TMEM120B: variants seen among roughly 807,000 people sequenced by gnomAD.
TMEM120B encodes the protein transmembrane protein 120B.
In TMEM120B, 31 loss-of-function variants were observed where a neutral mutation model predicts 55.5. The ratio of observed to expected loss-of-function variants is 0.56; its 90% CI spans 0.42 to 0.75. The LOEUF is 0.75. Among genes scored for constraint, TMEM120B ranks in the 30% least tolerant of loss-of-function variants. The probability of loss-of-function intolerance (pLI) is 0.00; values close to 1 mark genes in which losing one functional copy is unlikely to be tolerated. For missense variants in TMEM120B, 399 were observed against 425.5 expected, an observed-to-expected ratio of 0.94 and a Z score of 0.55; for synonymous variants, 203 against 176.3, an observed-to-expected ratio of 1.15 and a Z score of -1.20.
chr12:121,772,039 CTCTT>C (rs749658859), intron 8 of TMEM120B, among the ~76,000 whole-genome samples: 38 of 114,152 alleles, frequency 3.3e-4, no homozygotes, highest in African/African-American at 3.9e-4. Flanking sequence ...TTCTTTCTTT[CTCTT>C]TCTTTCTTTC....
rs1342695194 is a variant in TMEM120B at position 121,754,014 on chromosome 12, CTGGGTTCT to C, written c.461+1792_461+1799del. Among the ~76,000 whole-genome samples, 102 of 152,356 alleles carry C rather than the reference CTGGGTTCT, an allele frequency of 6.7e-4. 1 individual carries two copies. Among genetic ancestry groups the C allele is most frequent in the Admixed American group, 2.4e-3 (37 of 15,310 alleles). ...TGGGCTGCTGTTCCTTTCTCTGGCC[CTGGGTTCT>C]CTGTCCCCAGGGGAAGCGGTCAAGT... On this transcript the variant is annotated intron_variant, in intron 5 of 11. Transcript: ENST00000449592.
At chr12:121,750,871 ACACCACACACC>A (rs1873276805) in intron 4 of TMEM120B, among the ~76,000 whole-genome samples, 1 of 66,414 alleles carries the variant, frequency 1.5e-5, no homozygotes, top group Non-Finnish European at 3.0e-5. Flanking sequence ...CCCCACACCC[ACACCACACACC>A]ACACCCCACA....
intron 5 of TMEM120B, among the ~76,000 whole-genome samples, chr12:121,753,959 C>T (rs549932045): frequency 3.9e-5 from 6 of 152,224 alleles, no homozygotes; most frequent in African/African-American, 9.6e-5. Context: ...ACAGCCATGC[C>T]GTGAGGCTGT....
intron 6 of TMEM120B, among the ~76,000 whole-genome samples, chr12:121,764,160 CAAA>C (rs150917405): frequency 5.1e-5 from 6 of 117,958 alleles, no homozygotes; most frequent in Admixed American, 1.8e-4. Context: ...TCATCTTTAC[CAAA>C]AAAAAAAAAA....
chr12:121,735,201 C>CAA (rs1158893128), intron 1 of TMEM120B, among the ~76,000 whole-genome samples: 3 of 124,094 alleles, frequency 2.4e-5, no homozygotes, highest in Non-Finnish European at 5.2e-5. Flanking sequence ...AAAAAAAAAA[C>CAA]AAAAAAAAAA....
chr12:121,762,271 C>CA (rs796129443), intron 6 of TMEM120B, among the ~76,000 whole-genome samples: 13,264 of 117,082 alleles, frequency 0.11, 917 homozygotes, highest in African/African-American at 0.22. Flanking sequence ...GACTCTGTCT[C>CA]AAAAAAAAAA....
chr12:121,726,941 C>G (rs1894907265), intron 1 of TMEM120B, among the ~76,000 whole-genome samples: 1 of 131,036 alleles, frequency 7.6e-6, no homozygotes, highest in South Asian at 2.6e-4. Context: ...AAAAAAGCTT[C>G]AGGCTGGGCA....
chr12:121,763,980 G>C (rs1873765144), intron 6 of TMEM120B, among the ~76,000 whole-genome samples: 3 of 152,086 alleles, frequency 2.0e-5, no homozygotes. Flanking sequence ...GAGGGCAACA[G>C]GAAGTTTCAC....
In TMEM120B at chr12:121,748,356, G is replaced by A. The variant is rs1258781956; in HGVS notation, c.219G>A (p.Ala73=). The A allele has an allele frequency of 8.1e-6, 13 of 1,610,960 alleles. No homozygotes were observed. Among genetic ancestry groups the A allele is most frequent in the South Asian group, 1.1e-5 (1 of 91,036 alleles). Residue 73 remains alanine (A), a synonymous_variant, in exon 3 of 12, where the codon GCG becomes GCA. Coordinates refer to ENST00000449592, the MANE Select transcript of TMEM120B (RefSeq NM_001080825.2). The part of the protein sequence containing the change: ...RCKRHASREE[A]ELVQQMAANI... ...AACGCCATGCCAGTCGGGAGGAGGC[G>A]GAGCTCGTTCAGCAGATGGCAGCGA... is the stretch of plus-strand genomic sequence containing the variant.
chr12:121,774,597 G>T, intron 9 of TMEM120B, 61 bp from the exon 10 acceptor site: 1 of 1,554,264 alleles, frequency 6.4e-7, no homozygotes, highest in African/African-American at 1.4e-5. Flanking sequence ...TGGGCGTCTG[G>T]TGGAGCTGTG....
chr12:121,744,204 A>G (rs895521848), intron 2 of TMEM120B, among the ~76,000 whole-genome samples: 17 of 152,070 alleles, frequency 1.1e-4, no homozygotes, highest in African/African-American at 3.9e-4. Flanking sequence ...GATTACAGGC[A>G]TGAGCCACTG....
intron 1 of TMEM120B, among the ~76,000 whole-genome samples, chr12:121,733,780 C>T (rs892751051): frequency 3.9e-5 from 6 of 151,990 alleles, no homozygotes; most frequent in African/African-American, 9.7e-5. Flanking sequence ...TCAAGTGATC[C>T]GCCCACCTCG....
chr12:121,745,455 A>G (rs1228227871), intron 2 of TMEM120B, among the ~76,000 whole-genome samples: 3 of 152,002 alleles, frequency 2.0e-5, no homozygotes, highest in East Asian at 1.9e-4. Flanking sequence ...CAGTGGTGCA[A>G]TCTCGGCTCA....
intron 6 of TMEM120B, among the ~76,000 whole-genome samples, chr12:121,769,906 A>C (rs981213334): frequency 6.6e-6 from 1 of 152,162 alleles, no homozygotes; most frequent in East Asian, 1.9e-4. Context: ...ACAGTGATCC[A>C]TGCCATGAAG....
In TMEM120B at chr12:121,748,459, T is replaced by C; in HGVS notation, c.305+17T>C. ...GAAGAACGGGTAGGAGCTGGCAACCTCCCCACCCCTAGCACAGGCCCATGC... is the reference window on the plus strand; with the variant it reads ...GAAGAACGGGTAGGAGCTGGCAACCCCCCCACCCCTAGCACAGGCCCATGC... On this transcript the variant is annotated intron_variant, in intron 3 of 11. Coordinates refer to ENST00000449592, the MANE Select transcript of TMEM120B (RefSeq NM_001080825.2). The C allele has an allele frequency of 6.4e-7, 1 of 1,561,904 alleles. No individual in the cohort carries two copies. Among genetic ancestry groups the C allele is most frequent in the Non-Finnish European group, 8.8e-7 (1 of 1,137,412 alleles).
Position 121,756,852 on chromosome 12 carries a change from G to A in TMEM120B, c.461+4629G>A, listed in dbSNP as rs895728632. On this transcript the variant is annotated intron_variant, in intron 5 of 11. Coordinates refer to ENST00000449592, the MANE Select transcript of TMEM120B (RefSeq NM_001080825.2). Reference sequence around the variant, plus strand: ...AGGGCCTCAGTTCAAATCTGGCTCTGCCTCTTCCCGGCTGTGGGACTGTGG... The same window carrying A: ...AGGGCCTCAGTTCAAATCTGGCTCTACCTCTTCCCGGCTGTGGGACTGTGG... Among the ~76,000 whole-genome samples the A allele has an allele frequency of 2.4e-4, 37 of 152,200 alleles. 1 individual carries two copies.
At chr12:121,748,497 C>G (rs148372877) in intron 3 of TMEM120B, 55 bp downstream of exon 3, 313 of 1,217,214 alleles carry the variant, frequency 2.6e-4, no homozygotes, top group Non-Finnish European at 2.8e-4. Context: ...AGGCCTAGCA[C>G]AGCTGGTCCA....
At chr12:121,748,269 TAGCCCTCCTCCCTCTG>T in intron 2 of TMEM120B, 41 bp from the exon 3 acceptor site, 1 of 1,394,914 alleles carries the variant, frequency 7.2e-7, no homozygotes, top group Non-Finnish European at 1.0e-6. Context: ...GGGGAGTCCA[TAGCCCTCCTCCCTCTG>T]AGTGACGCCC....
chr12:121,740,377 G>C (rs1160442881), intron 1 of TMEM120B, among the ~76,000 whole-genome samples: 1 of 151,762 alleles, frequency 6.6e-6, no homozygotes, highest in African/African-American at 2.4e-5. Context: ...CCAGCTACTC[G>C]GGAGGCTGAG....
Sources: allele counts gnomAD v4.1 joint callset (sites outside exome capture counted in the v4.1 genomes callset), GRCh38; gene constraint gnomAD v4.1.1; transcripts MANE v1.5; gene names NCBI Gene and HGNC (gene_info 2026-07-23, HGNC 2026-07-21).